The following SKOR1 variants were observed in gnomAD, a reference collection of about 807,000 sequenced individuals.
SKOR1 encodes LBX1 corepressor 1.
A neutral mutation model predicts 72.4 loss-of-function variants in SKOR1; 38 were observed. The observed-to-expected ratio is 0.52, with a 90% CI of 0.40 to 0.69. The LOEUF (loss-of-function observed/expected upper bound fraction) is 0.69. Ranked by LOEUF, SKOR1 falls within the 30% of genes least tolerant of loss-of-function variation. The pLI, the probability that SKOR1 is intolerant of heterozygous loss-of-function variation, is 0.00. For synonymous variants in SKOR1, 642 were observed against 599.4 expected (o/e 1.07, Z -1.04); for missense variants, 1,320 against 1,343.2 (o/e 0.98, Z 0.27).
At chr15:67,830,050 C>G in intron 3 of SKOR1, 141 bp from the exon 4 acceptor site, 1 of 803,482 alleles carries the variant, frequency 1.2e-6, no homozygotes, top group Non-Finnish European at 2.0e-6. Context: ...CCTCAGGGCG[C>G]GCTCCTGGGC....
chr15:67,828,271 T>G, intron 2 of SKOR1, 127 bp downstream of exon 2: 1 of 1,338,698 alleles, frequency 7.5e-7, no homozygotes, highest in Non-Finnish European at 9.5e-7. Context: ...CCTCGGCCAC[T>G]CTCCGCAGGC....
At chr15:67,830,911 AG>A in intron 5 of SKOR1, 22 bp downstream of exon 5, 1 of 1,610,568 alleles carries the variant, frequency 6.2e-7, no homozygotes, top group African/African-American at 1.3e-5. Context: ...TTTGTGAAAA[AG>A]GTGTACGCTG....
At position 67,826,738 on chromosome 15, in the gene SKOR1, G is replaced by A. The variant is rs1307785510; in HGVS notation, c.910G>A (p.Gly304Ser). ...TGGGCAGGGGAAGGGTGGTGCTGGCGGCGGTGGCGGCGGTGGCCCAGGGTG... is the reference window on the plus strand; with the variant it reads ...TGGGCAGGGGAAGGGTGGTGCTGGCAGCGGTGGCGGCGGTGGCCCAGGGTG... The part of the protein sequence containing the change: ...SGGQGKGGAG[G>S]GGGGGPGCGA... The change falls in exon 2 of 9, where the codon GGC (glycine) becomes AGC (serine). Residue 304 changes from glycine to serine, a missense_variant. Gly to Ser is a moderately conservative substitution (Grantham distance 56). This residue lies in a region of SKOR1 where 1,099 missense variants were observed against 1,025.5 expected (regional missense o/e 1.07). Coordinates refer to ENST00000380035, the MANE Select transcript of SKOR1 (RefSeq NM_001365915.1). 2.1e-5 allele frequency: 33 copies of A among 1,536,842 alleles called. No homozygotes were observed. In the Admixed American group the frequency reaches 5.9e-4, roughly 27 times the overall value.
Position 67,827,682 on chromosome 15 carries a change from G to A in SKOR1, c.1854G>A (p.Ala618=), listed in dbSNP as rs1338472218. ...GGAGCGCCCGGGAGGCGTACGGCGC[G>A]GGGCCTGCTCGGGGGCCGGGACCCG... ...LYGSAREAYG[A]GPARGPGPGA... Residue 618 remains alanine (A), a synonymous_variant, in exon 2 of 9, where the codon GCG becomes GCA. Transcript: ENST00000380035. 1 of 1,535,296 alleles carries A rather than the reference G, an allele frequency of 6.5e-7. No homozygotes were observed.
chr15:67,831,651 G>A (rs1885573597), intron 5 of SKOR1, among the ~76,000 whole-genome samples: 1 of 152,162 alleles, frequency 6.6e-6, no homozygotes, highest in Admixed American at 6.5e-5. Flanking sequence ...CTAGCCCATA[G>A]ATGGTCTTGG....
chr15:67,826,341 A>G lies in SKOR1; in HGVS notation c.513A>G (p.Lys171=). The G allele has an allele frequency of 6.2e-7, 1 of 1,613,568 alleles. No individual in the cohort carries two copies. The highest frequency in any genetic ancestry group is 1.1e-5 in the South Asian group (1 of 91,088). ...RLCKSFLGEH[K]PPKLPENFAF... Reference sequence around the variant, plus strand: ...GCAAGTCGTTCCTGGGCGAGCACAAACCACCCAAGCTGCCCGAGAACTTCG... The same window carrying G: ...GCAAGTCGTTCCTGGGCGAGCACAAGCCACCCAAGCTGCCCGAGAACTTCG... The change falls in exon 2 of 9, where the codon AAA becomes AAG. Residue 171 remains lysine (K), a synonymous_variant. Coordinates refer to ENST00000380035, the MANE Select transcript of SKOR1 (RefSeq NM_001365915.1).
intron 3 of SKOR1, among the ~76,000 whole-genome samples, chr15:67,829,515 C>A (rs1597018040): frequency 6.6e-6 from 1 of 152,378 alleles, no homozygotes; most frequent in East Asian, 1.9e-4. Context: ...TACACCCAGA[C>A]ACGGCGTTAA....
chr15:67,827,475 G>A lies in SKOR1; in HGVS notation c.1647G>A (p.Ala549=). ...AEPAKESGLG[A]EERCPSALSR... is the part of the protein sequence containing the mutation. ...CAGCCAAAGAGAGTGGCCTCGGCGC[G>A]GAGGAGCGCTGCCCGAGCGCTCTGT... Residue 549 remains alanine (A), a synonymous_variant, in exon 2 of 9, where the codon GCG becomes GCA. Coordinates refer to ENST00000380035, the MANE Select transcript of SKOR1 (RefSeq NM_001365915.1). 6.6e-7 allele frequency: 1 copy of A among 1,520,896 alleles called. No homozygotes were observed. Among genetic ancestry groups the A allele is most frequent in the Non-Finnish European group, 8.8e-7 (1 of 1,141,538 alleles). The allele number at this position is 1,520,896 out of a possible 1,614,324, so 94.2% of individuals were successfully genotyped here.
At chr15:67,830,334 A>T in intron 4 of SKOR1, 36 bp downstream of exon 4, 1 of 1,599,604 alleles carries the variant, frequency 6.3e-7, no homozygotes, top group Non-Finnish European at 8.6e-7. Flanking sequence ...TCTCCACCGC[A>T]CCCAGGAGCT....
At chr15:67,828,165 G>C (rs1290638241) in intron 2 of SKOR1, 21 bp downstream of exon 2, 23 of 1,419,984 alleles carry the variant, frequency 1.6e-5, no homozygotes, top group Non-Finnish European at 2.1e-5. Context: ...CGCCCGCCCC[G>C]CCAGTGGCGC....
At position 67,829,288 on chromosome 15, in the gene SKOR1, G is replaced by T. The variant is rs781196186; in HGVS notation, c.2407+19G>T. ...GCCCACGGTAACGCCTGTCGCGGCC[G>T]CTGGCCACTGTAATGGGGGAACCGC... On this transcript the variant is annotated intron_variant, in intron 3 of 8. Coordinates refer to ENST00000380035, the MANE Select transcript of SKOR1 (RefSeq NM_001365915.1). The T allele has an allele frequency of 6.5e-7, 1 of 1,530,978 alleles. No individual in the cohort carries two copies. 94.8% of individuals were successfully genotyped at this position (1,530,978 alleles called of 1,614,324 possible).
chr15:67,825,560 GA>G lies in SKOR1; in HGVS notation c.-41del. The G allele has an allele frequency of 1.4e-6, 1 of 724,966 alleles. No individual in the cohort carries two copies. The highest frequency in any genetic ancestry group is 1.5e-5 in the South Asian group (1 of 67,962). 44.9% of individuals were successfully genotyped at this position (724,966 alleles called of 1,614,324 possible). The stretch of plus-strand genomic sequence containing the variant: ...GGCAGCACCGGCTGCGAGGGTTGCC[GA>G]AGGCGCACGGATCTGGGCGCTGAAA... On this transcript the variant is annotated 5_prime_UTR_variant, in exon 1 of 9. Transcript: ENST00000380035. This position sits in a 1 kb window ranked among gnomAD's most constrained non-coding sequence, Gnocchi z 5.6.
Position 67,826,902 on chromosome 15 carries a change from G to C in SKOR1, c.1074G>C (p.Ala358=), listed in dbSNP as rs1423073875. 3.2e-6 allele frequency: 5 copies of C among 1,549,620 alleles called. No individual in the cohort carries two copies. The highest frequency in any genetic ancestry group is 1.9e-5 in the Admixed American group (1 of 53,530). ...TGGCGACTGGAGCTAGTGGCCCGGC[G>C]GGCCCAGGAGGGCCCGGTGGCGGCG... The part of the protein sequence containing the change: ...LGLATGASGP[A]GPGGPGGGAG... The change falls in exon 2 of 9, where the codon GCG becomes GCC. Residue 358 remains alanine, a synonymous_variant. Coordinates refer to ENST00000380035, the MANE Select transcript of SKOR1 (RefSeq NM_001365915.1).
Position 67,827,669 on chromosome 15 carries a change from A to T in SKOR1, c.1841A>T (p.Glu614Val). 1 of 1,530,750 alleles carries T rather than the reference A, an allele frequency of 6.5e-7. No individual in the cohort carries two copies. Among genetic ancestry groups the T allele is most frequent in the South Asian group, 1.2e-5 (1 of 82,188 alleles). 94.8% of individuals were successfully genotyped at this position (1,530,750 alleles called of 1,614,324 possible). ...SIAKLYGSAR[E>V]AYGAGPARGP... ...GCTAAGCTCTACGGGAGCGCCCGGG[A>T]GGCGTACGGCGCGGGGCCTGCTCGG... Residue 614 changes from glutamate to valine, a missense_variant, in exon 2 of 9, where the codon GAG becomes GTG. Coordinates refer to ENST00000380035, the MANE Select transcript of SKOR1 (RefSeq NM_001365915.1).
chr15:67,829,252 G>A lies in SKOR1; in HGVS notation c.2390G>A (p.Cys797Tyr). 1 of 1,561,004 alleles carries A rather than the reference G, an allele frequency of 6.4e-7. No individual in the cohort carries two copies. Residue 797 changes from cysteine (C) to tyrosine (Y), a missense_variant, in exon 3 of 9, where the codon TGC (cysteine) becomes TAC (tyrosine). By Grantham distance (194) the Cys-to-Tyr change is radical. Transcript: ENST00000380035. ...CTGGGGCCCGCGGCCTCCTACGTCTGCACCCCCGAGGCCCACGGTAACGCC... is the reference window on the plus strand; with the variant it reads ...CTGGGGCCCGCGGCCTCCTACGTCTACACCCCCGAGGCCCACGGTAACGCC... ...VALGPAASYV[C>Y]TPEAHEPDKE...
At chr15:67,829,335 G>A in intron 3 of SKOR1, 66 bp downstream of exon 3, 2 of 1,303,542 alleles carry the variant, frequency 1.5e-6, no homozygotes, top group Middle Eastern at 2.0e-4. Flanking sequence ...CGGGGTCAAG[G>A]AAGGCCTGCG....
chr15:67,830,770 A>G, intron 4 of SKOR1, 48 bp from the exon 5 acceptor site: 4 of 1,598,580 alleles, frequency 2.5e-6, no homozygotes, highest in Non-Finnish European at 3.4e-6. Flanking sequence ...CTCCCCTCTC[A>G]AGGGCTTTCC....
At chr15:67,829,103 C>A (rs1382429195) in intron 2 of SKOR1, 76 bp from the exon 3 acceptor site, 28 of 1,343,104 alleles carry the variant, frequency 2.1e-5, no homozygotes, top group Non-Finnish European at 2.6e-5. Flanking sequence ...CCCTCTTGGC[C>A]GCGGGGTAGG....
Position 67,827,349 on chromosome 15 carries a change from G to A in SKOR1, c.1521G>A (p.Gln507=), listed in dbSNP as rs761009298. ...SLPVPSYPAA[Q]SQAKAVAAAV... The stretch of plus-strand genomic sequence containing the variant: ...CGGTACCGTCCTACCCCGCTGCTCA[G>A]AGCCAAGCCAAGGCCGTGGCGGCAG... The change falls in exon 2 of 9, where the codon CAG becomes CAA. Residue 507 remains glutamine, a synonymous_variant. Coordinates refer to ENST00000380035, the MANE Select transcript of SKOR1 (RefSeq NM_001365915.1). 2 of 1,583,884 alleles carry A rather than the reference G, an allele frequency of 1.3e-6. No individual in the cohort carries two copies. The highest frequency in any genetic ancestry group is 1.7e-6 in the Non-Finnish European group (2 of 1,173,830).
Sources: allele counts gnomAD v4.1 joint callset (sites outside exome capture counted in the v4.1 genomes callset), GRCh38; gene constraint gnomAD v4.1.1; regional missense constraint gnomAD v4.1.1; non-coding constraint Gnocchi (gnomAD v3.1); transcripts MANE v1.5; gene names NCBI Gene and HGNC (gene_info 2026-07-23, HGNC 2026-07-21).